The following RAB31 variants were observed in gnomAD, a reference collection of about 807,000 sequenced individuals.
RAB31 encodes the protein ras-related protein Rab-31.
A neutral mutation model predicts 25.6 loss-of-function variants in RAB31; 21 were observed. The observed-to-expected ratio is 0.82, with a 90% CI of 0.58 to 1.18. The LOEUF is 1.18. Ranked by LOEUF, RAB31 falls within the 50% of genes most tolerant of loss-of-function variation. The pLI is 0.00. For missense variants in RAB31, 196 were observed against 250.1 expected, an observed-to-expected ratio of 0.78 and a Z score of 1.46; for synonymous variants, 87 against 84.0, an observed-to-expected ratio of 1.04 and a Z score of -0.20.
At chr18:9,813,559 A>G (rs1208120742) in intron 3 of RAB31, among the ~76,000 whole-genome samples, 1 of 152,108 alleles carries the variant, frequency 6.6e-6, no homozygotes, top group Non-Finnish European at 1.5e-5. Context: ...ATTATTTCAT[A>G]TGAACTCTGG....
At chr18:9,817,602 A>G (rs1374718232) in intron 5 of RAB31, among the ~76,000 whole-genome samples, 2 of 152,124 alleles carry the variant, frequency 1.3e-5, no homozygotes, top group Non-Finnish European at 2.9e-5. Context: ...CAACATTACT[A>G]TTAGAATGGG....
chr18:9,852,071 G>A (rs2068792032), intron 6 of RAB31, among the ~76,000 whole-genome samples: 1 of 151,856 alleles, frequency 6.6e-6, no homozygotes, highest in African/African-American at 2.4e-5. Context: ...TCAGATTCCA[G>A]GGAACTTAAA....
chr18:9,719,394 G>T (rs2068063450), intron 1 of RAB31, among the ~76,000 whole-genome samples: 1 of 137,012 alleles, frequency 7.3e-6, no homozygotes, highest in Non-Finnish European at 1.5e-5. Flanking sequence ...GATACATGCT[G>T]TTGTAGTTTT....
At chr18:9,820,025 C>T (rs899269318) in intron 5 of RAB31, among the ~76,000 whole-genome samples, 7 of 151,954 alleles carry the variant, frequency 4.6e-5, no homozygotes, top group African/African-American at 1.7e-4. Flanking sequence ...TTACTTCTTC[C>T]TTTCCAATAT....
At chr18:9,802,375 A>G (rs978793216) in intron 3 of RAB31, among the ~76,000 whole-genome samples, 2 of 152,194 alleles carry the variant, frequency 1.3e-5, no homozygotes, top group Non-Finnish European at 2.9e-5. Flanking sequence ...CAGAGAAAAA[A>G]TTTTGAATAA....
intron 1 of RAB31, chr18:9,775,036 A>G: frequency 1.6e-6 from 1 of 613,040 alleles, no homozygotes; most frequent in Non-Finnish European, 2.8e-6. Context: ...TATTGTATAC[A>G]TGTCAGACAT....
At position 9,744,877 on chromosome 18, in the gene RAB31, A is replaced by G. The variant is rs947969678; in HGVS notation, c.40-30401A>G. Among the ~76,000 whole-genome samples, 12 of 152,324 alleles carry G rather than the reference A, an allele frequency of 7.9e-5. 1 individual carries two copies. Among genetic ancestry groups the G allele is most frequent in the Admixed American group, 6.5e-4 (10 of 15,302 alleles). Reference sequence around the variant, plus strand: ...ACATTAAAAAAAGAGAAAGACTTCAAATCAATAACCCAATTTTACAACATA... The same window carrying G: ...ACATTAAAAAAAGAGAAAGACTTCAGATCAATAACCCAATTTTACAACATA... On this transcript the variant is annotated intron_variant, in intron 1 of 6. Transcript: ENST00000578921.
At chr18:9,839,384 G>A (rs1393446162) in intron 5 of RAB31, among the ~76,000 whole-genome samples, 1 of 152,192 alleles carries the variant, frequency 6.6e-6, no homozygotes, top group East Asian at 1.9e-4. Context: ...ATCAGAAGAT[G>A]TTGGAGAATC....
At chr18:9,857,640 TATAGATAGATAG>T (rs369031976) in intron 6 of RAB31, among the ~76,000 whole-genome samples, 194 of 129,310 alleles carry the variant, frequency 1.5e-3, no homozygotes, top group African/African-American at 1.7e-3. Context: ...TAGCCAATAA[TATAGATAGATAG>T]ATAGATAGAT....
At chr18:9,841,354 A>C (rs1421633408) in intron 5 of RAB31, among the ~76,000 whole-genome samples, 1 of 151,576 alleles carries the variant, frequency 6.6e-6, no homozygotes, top group Admixed American at 6.6e-5. Context: ...CCTGGCTAAC[A>C]TGGTGAAACC....
Position 9,719,336 on chromosome 18 carries a change from T to TATATATAA in RAB31, c.39+10893_39+10894insTATATAAA, listed in dbSNP as rs1175080967. Among the ~76,000 whole-genome samples the TATATATAA allele has an allele frequency of 1.8e-4, 15 of 83,896 alleles. 2 individuals carry two copies. In the East Asian group the frequency reaches 4.6e-3, roughly 26 times the overall value. The allele number at this position is 83,896 out of a possible 152,430, so 55.0% of individuals were successfully genotyped here. On this transcript the variant is annotated intron_variant, in intron 1 of 6. Coordinates refer to ENST00000578921, the MANE Select transcript of RAB31 (RefSeq NM_006868.4). The stretch of plus-strand genomic sequence containing the variant: ...ATATATATATATATATATAAATAAA[T>TATATATAA]AAATTTGATCTAATTATGAGGGAGG...
At chr18:9,843,852 T>G (rs2068747038) in intron 5 of RAB31, among the ~76,000 whole-genome samples, 1 of 152,178 alleles carries the variant, frequency 6.6e-6, no homozygotes. Flanking sequence ...CAGGCGCTTT[T>G]CCAGCTAGGA....
Position 9,859,214 on chromosome 18 carries a change from C to G in RAB31, c.491-14C>G. Reference sequence around the variant, plus strand: ...AGGAAAGGGAACTCACCCTTGGCCTCCTTTTTGTTGCAGGCCGCCAGATCC... The same window carrying G: ...AGGAAAGGGAACTCACCCTTGGCCTGCTTTTTGTTGCAGGCCGCCAGATCC... On this transcript the variant is annotated splice_polypyrimidine_tract_variant and intron_variant, in intron 6 of 6. Coordinates refer to ENST00000578921, the MANE Select transcript of RAB31 (RefSeq NM_006868.4). 6.2e-7 allele frequency: 1 copy of G among 1,603,636 alleles called. No individual in the cohort carries two copies. Among genetic ancestry groups the G allele is most frequent in the Non-Finnish European group, 8.5e-7 (1 of 1,170,576 alleles).
In RAB31 at chr18:9,777,885, G is replaced by T. The variant is rs185892977; in HGVS notation, c.119+2528G>T. 5.7e-3 allele frequency among the ~76,000 whole-genome samples: 871 copies of T among 151,690 alleles called. 7 individuals carry two copies. Among genetic ancestry groups the T allele is most frequent in the African/African-American group, 0.02 (830 of 41,320 alleles). On this transcript the variant is annotated intron_variant, in intron 2 of 6. Transcript: ENST00000578921. ...TTCTCCTGCCTCAGCCTCCTGAGTA[G>T]CTGGGATTACAGGTGCCCGCCACCA...
chr18:9,818,384 C>T lies in RAB31; in HGVS notation c.380+3162C>T, dbSNP rs1266338139. On this transcript the variant is annotated intron_variant, in intron 5 of 6. Coordinates refer to ENST00000578921, the MANE Select transcript of RAB31 (RefSeq NM_006868.4). ...TATACTCGCTCTCAATTTCCACCTC[C>T]TTCCAGCCCTGGTAATCACTAATGT... Among the ~76,000 whole-genome samples the T allele has an allele frequency of 3.3e-5, 5 of 152,300 alleles. No homozygotes were observed. The East Asian group carries it at 9.7e-4, about 29-fold the overall frequency.
At chr18:9,801,878 C>G (rs2143049817) in intron 3 of RAB31, among the ~76,000 whole-genome samples, 1 of 152,336 alleles carries the variant, frequency 6.6e-6, no homozygotes, top group Admixed American at 6.5e-5. Flanking sequence ...AGACAGGATC[C>G]AGCTTCATTC....
chr18:9,743,862 G>T (rs780508882), intron 1 of RAB31, among the ~76,000 whole-genome samples: 1 of 152,188 alleles, frequency 6.6e-6, no homozygotes, highest in African/African-American at 2.4e-5. Context: ...GTGGACTCCC[G>T]GGTGCGGTCT....
chr18:9,785,943 C>G lies in RAB31; in HGVS notation c.120-6211C>G, dbSNP rs369309371. ...AGGTGTGGTGGTGCATCCCTGTAAT[C>G]CCAGCTACTCAGGAGGCTGAGGCAG... is the stretch of plus-strand genomic sequence containing the variant. On this transcript the variant is annotated intron_variant, in intron 2 of 6. Coordinates refer to ENST00000578921, the MANE Select transcript of RAB31 (RefSeq NM_006868.4). Among the ~76,000 whole-genome samples, 102 of 152,188 alleles carry G rather than the reference C, an allele frequency of 6.7e-4. 1 individual carries two copies. Among genetic ancestry groups the G allele is most frequent in the Middle Eastern group, 6.8e-3 (2 of 294 alleles).
chr18:9,773,403 A>G (rs1370772723), intron 1 of RAB31, among the ~76,000 whole-genome samples: 2 of 152,122 alleles, frequency 1.3e-5, no homozygotes, highest in East Asian at 1.9e-4. Context: ...CATTCTCTCG[A>G]TAAATCACTT....
Sources: allele counts gnomAD v4.1 joint callset (sites outside exome capture counted in the v4.1 genomes callset), GRCh38; gene constraint gnomAD v4.1.1; transcripts MANE v1.5; gene names NCBI Gene and HGNC (gene_info 2026-07-23, HGNC 2026-07-21).